CCDC7: variants seen among roughly 807,000 people sequenced by gnomAD.
CCDC7 encodes the protein coiled-coil domain containing 7.
In CCDC7, 183 loss-of-function variants were observed where a neutral mutation model predicts 196.9. The ratio of observed to expected loss-of-function variants is 0.93; its 90% CI spans 0.82 to 1.05. CCDC7 has a LOEUF of 1.05. CCDC7 is among the 50% of genes least tolerant of loss of function. CCDC7 has a pLI of 0.00. For missense variants in CCDC7, 1,540 were observed against 1,482.2 expected (o/e 1.04, Z -0.64); for synonymous variants, 525 against 484.6 (o/e 1.08, Z -1.10).
intron 18 of CCDC7, among the ~76,000 whole-genome samples, chr10:32,613,563 G>A (rs1335999764): frequency 6.6e-6 from 1 of 152,006 alleles, no homozygotes. Flanking sequence ...GCTATAAATT[G>A]CCCTCTAAAC....
At chr10:32,658,582 T>G (rs1462336667) in intron 20 of CCDC7, among the ~76,000 whole-genome samples, 2 of 152,220 alleles carry the variant, frequency 1.3e-5, no homozygotes, top group Non-Finnish European at 2.9e-5. Flanking sequence ...AATATGAGAT[T>G]TGGGTGGGGA....
chr10:32,701,829 T>C (rs1255133131), intron 24 of CCDC7, among the ~76,000 whole-genome samples: 1 of 152,290 alleles, frequency 6.6e-6, no homozygotes, highest in African/African-American at 2.4e-5. Flanking sequence ...TATTCTCTGA[T>C]GGTAGTTTGT....
At chr10:32,678,053 G>A (rs1267619313) in intron 21 of CCDC7, among the ~76,000 whole-genome samples, 1 of 151,888 alleles carries the variant, frequency 6.6e-6, no homozygotes, top group African/African-American at 2.4e-5. Flanking sequence ...CAGACTTTCT[G>A]TTGGTTTACA....
chr10:32,689,146 A>T (rs1160935362), exon 23 of CCDC7: 1 of 1,574,192 alleles, frequency 6.4e-7, no homozygotes, highest in South Asian at 1.1e-5. Context: ...AGAACTCTCA[A>T]AGGGCAAAGA....
intron 21 of CCDC7, among the ~76,000 whole-genome samples, chr10:32,677,308 A>G (rs112678048): frequency 1.5e-4 from 23 of 151,790 alleles, no homozygotes; most frequent in African/African-American, 5.6e-4. Flanking sequence ...TGGCACATGT[A>G]TACATATGTA....
intron 17 of CCDC7, 55 bp downstream of exon 18, chr10:32,583,362 A>G: frequency 9.2e-7 from 1 of 1,089,520 alleles, no homozygotes; most frequent in Non-Finnish European, 1.2e-6. Context: ...TCCTTCAATA[A>G]ATAAATGCTA....
intron 9 of CCDC7, chr10:32,499,066 T>C (rs2043400438): frequency 6.6e-6 from 1 of 150,682 alleles, no homozygotes; most frequent in Non-Finnish European, 1.5e-5. Flanking sequence ...CCCATATTTC[T>C]TGGAGGTTTT....
intron 18 of CCDC7, among the ~76,000 whole-genome samples, chr10:32,626,545 G>A (rs2064075572): frequency 6.6e-6 from 1 of 151,704 alleles, no homozygotes; most frequent in Non-Finnish European, 1.5e-5. Context: ...TTCCTTTGCT[G>A]TGCAGAAACT....
intron 5 of CCDC7, among the ~76,000 whole-genome samples, 199 bp downstream of exon 6, chr10:32,463,248 A>G (rs1235285022): frequency 6.6e-6 from 1 of 152,172 alleles, no homozygotes; most frequent in Non-Finnish European, 1.5e-5. Flanking sequence ...ATATCCCTGC[A>G]TATATCTGGT....
In CCDC7 at chr10:32,453,371, G is replaced by C. The variant is rs145143728; in HGVS notation, c.307G>C (p.Gly103Arg). 1.5e-3 allele frequency: 2,385 copies of C among 1,543,726 alleles called. 2 individuals carry two copies. Among genetic ancestry groups the C allele is most frequent in the Non-Finnish European group, 1.9e-3 (2,181 of 1,145,800 alleles). ...TGTTTCCACTTTGGAAGAAACCTAT[G>C]GACATTGCGATCAGAATGGAGAAGA... The change falls in exon 2 of 42, where the codon GGA becomes CGA. Residue 103 changes from glycine to arginine, a missense_variant. By Grantham distance (125) the Gly-to-Arg change is moderately radical (BLOSUM62 -2). Transcript: ENST00000639629.
Position 32,764,213 on chromosome 10 carries a change from C to T in CCDC7, c.2906-14764C>T, listed in dbSNP as rs570224877. Reference sequence around the variant, plus strand: ...GATTCTCCCCAAGACTCACCCCCACCACCCTCTTTTGCTTGTAGACCTATA... The same window carrying T: ...GATTCTCCCCAAGACTCACCCCCACTACCCTCTTTTGCTTGTAGACCTATA... On this transcript the variant is annotated intron_variant, in intron 28 of 41. Transcript: ENST00000639629. 3.3e-5 allele frequency among the ~76,000 whole-genome samples: 5 copies of T among 151,540 alleles called. No homozygotes were observed. In the South Asian group the frequency reaches 1.0e-3, roughly 32 times the overall value.
rs115501384 is a variant in CCDC7, at chr10:32,550,589, G to A, written c.1134+6288G>A. ...CATTATGGTATGTCCCTTGTATGCC[G>A]TTTTGCTGAGAGTTTTAAGGGATGC... On this transcript the variant is annotated intron_variant, in intron 13 of 41. Transcript: ENST00000639629. 8.4e-3 allele frequency among the ~76,000 whole-genome samples: 1,272 copies of A among 151,902 alleles called. 28 individuals carry two copies. The highest frequency in any genetic ancestry group is 0.028 in the African/African-American group (1,165 of 41,502).
At chr10:32,639,676 G>A (rs1297485948) in intron 20 of CCDC7, among the ~76,000 whole-genome samples, 2 of 147,400 alleles carry the variant, frequency 1.4e-5, no homozygotes, top group African/African-American at 2.5e-5. Flanking sequence ...CGTCCAGGCT[G>A]GAGTGCAGTG....
chr10:32,534,131 A>C (rs2050111851), intron 11 of CCDC7, among the ~76,000 whole-genome samples: 1 of 152,044 alleles, frequency 6.6e-6, no homozygotes, highest in South Asian at 2.1e-4. Context: ...ATTTTCAAAT[A>C]GCCAATCTTA....
chr10:32,853,767 T>C (rs2093650887), intron 40 of CCDC7, among the ~76,000 whole-genome samples: 1 of 152,226 alleles, frequency 6.6e-6, no homozygotes, highest in Non-Finnish European at 1.5e-5. Context: ...TATATAGAGA[T>C]GAAAACTTTA....
intron 31 of CCDC7, among the ~76,000 whole-genome samples, chr10:32,816,483 G>T (rs995414663): frequency 6.6e-6 from 1 of 152,230 alleles, no homozygotes; most frequent in African/African-American, 2.4e-5. Context: ...GCTTTGAAGA[G>T]AGTAGTGGTT....
intron 9 of CCDC7, among the ~76,000 whole-genome samples, chr10:32,509,444 ACT>A (rs1012450325): frequency 6.6e-6 from 1 of 151,226 alleles, no homozygotes. Flanking sequence ...AAACCGTAAA[ACT>A]CCTCGATGAA....
chr10:32,466,876 T>C (rs1416643303), intron 5 of CCDC7, among the ~76,000 whole-genome samples: 4 of 152,212 alleles, frequency 2.6e-5, no homozygotes, highest in African/African-American at 9.6e-5. Context: ...GCAACTAATT[T>C]ATACTCCCAC....
chr10:32,454,084 G>A (rs2033770266), intron 2 of CCDC7, among the ~76,000 whole-genome samples: 1 of 152,108 alleles, frequency 6.6e-6, no homozygotes, highest in African/African-American at 2.4e-5. Flanking sequence ...ATTAGGATGT[G>A]GGGAAGCTAA....
Sources: gnomAD v4.1 joint callset for allele counts (sites outside exome capture counted in the v4.1 genomes callset) on GRCh38, gnomAD v4.1.1 for gene constraint, MANE v1.5 for transcripts, NCBI Gene and HGNC (gene_info 2026-07-23, HGNC 2026-07-21) for gene names.